Variants in SESN1 observed in about 807,000 individuals in gnomAD.
SESN1 encodes sestrin 1, also known as sestrin-1.
In SESN1, 30 loss-of-function variants were observed where a neutral mutation model predicts 59.3. The observed-to-expected ratio is 0.51, with a 90% CI of 0.38 to 0.69. The LOEUF (loss-of-function observed/expected upper bound fraction) is 0.69. SESN1 is among the 30% of genes least tolerant of loss of function. SESN1 has a pLI of 0.00. For missense variants in SESN1, 566 were observed against 673.0 expected (o/e 0.84, Z 1.76); for synonymous variants, 197 against 219.9 (o/e 0.90, Z 0.92).
intron 1 of SESN1, among the ~76,000 whole-genome samples, chr6:109,003,381 G>A (rs1333908097): frequency 6.6e-6 from 1 of 151,610 alleles, no homozygotes; most frequent in Admixed American, 6.6e-5. Context: ...ATGGGGTGGG[G>A]GTGGGTGCAC....
chr6:108,994,536 T>C lies in SESN1; in HGVS notation c.1046A>G (p.Glu349Gly). The C allele has an allele frequency of 6.2e-7, 1 of 1,613,684 alleles. No homozygotes were observed. Among genetic ancestry groups the C allele is most frequent in the South Asian group, 1.1e-5 (1 of 91,066 alleles). Reference sequence around the variant, plus strand: ...AGCCATCTCTTCCTGACTTGCCTCTTCTTCATCTCGACATTCCTGTAACTG... The same window carrying C: ...AGCCATCTCTTCCTGACTTGCCTCTCCTTCATCTCGACATTCCTGTAACTG... Reference protein sequence around the residue: ...MRQLQECRDEEEASQEEMASR... With the variant: ...MRQLQECRDEGEASQEEMASR... The change falls in exon 6 of 10, where the codon GAA (glutamate) becomes GGA (glycine). Residue 349 changes from glutamate (E) to glycine (G), a missense_variant. Coordinates refer to ENST00000436639, the MANE Select transcript of SESN1 (RefSeq NM_014454.3).
At chr6:109,089,425 T>A (rs1336288701) in intron 1 of SESN1, among the ~76,000 whole-genome samples, 1 of 152,198 alleles carries the variant, frequency 6.6e-6, no homozygotes, top group Non-Finnish European at 1.5e-5. Context: ...TTACATAGAT[T>A]TTCATTTTAG....
At position 108,988,583 on chromosome 6, in the gene SESN1, A is replaced by G. The variant is rs1387678283; in HGVS notation, c.1529T>C (p.Met510Thr). 3 of 1,613,332 alleles carry G rather than the reference A, an allele frequency of 1.9e-6. No homozygotes were observed. Among genetic ancestry groups the G allele is most frequent in the East Asian group, 2.2e-5 (1 of 44,858 alleles). Residue 510 changes from methionine to threonine, a missense_variant, in exon 9 of 10, where the codon ATG (methionine) becomes ACG (threonine). Met to Thr is a moderately conservative substitution (Grantham distance 81). Transcript: ENST00000436639. ...GAACTGCCTCCAGAAGCTATCATAC[A>G]TTCTTTTGGTAACCTTTTCAGGAGT... ...VCTPEKVTKR[M>T]YDSFWRQFKH...
chr6:109,091,370 A>G (rs549606471), intron 1 of SESN1, among the ~76,000 whole-genome samples: 85 of 152,268 alleles, frequency 5.6e-4, no homozygotes, highest in African/African-American at 1.9e-3. Flanking sequence ...CCACCTAACG[A>G]TGCATTTCTC....
chr6:109,079,929 G>C (rs530626743), intron 1 of SESN1, among the ~76,000 whole-genome samples: 2 of 152,140 alleles, frequency 1.3e-5, no homozygotes, highest in Non-Finnish European at 2.9e-5. Flanking sequence ...ACCTAGGCTT[G>C]ATTTCTAAAG....
At chr6:109,013,826 T>C (rs1779895500) in intron 1 of SESN1, among the ~76,000 whole-genome samples, 1 of 152,240 alleles carries the variant, frequency 6.6e-6, no homozygotes, top group Admixed American at 6.5e-5. Flanking sequence ...AAATGCTGGT[T>C]TATAAGACTA....
At chr6:109,078,189 C>A (rs1355164973) in intron 1 of SESN1, among the ~76,000 whole-genome samples, 1 of 151,860 alleles carries the variant, frequency 6.6e-6, no homozygotes, top group East Asian at 1.9e-4. Context: ...CGTGACCAGC[C>A]TAGGAAACAT....
In SESN1 at chr6:109,027,625, G is replaced by A. The variant is rs532344595; in HGVS notation, c.280-25282C>T. 1.3e-4 allele frequency among the ~76,000 whole-genome samples: 20 copies of A among 151,912 alleles called. No homozygotes were observed. The South Asian group carries it at 1.9e-3, about 14-fold the overall frequency. On this transcript the variant is annotated intron_variant, in intron 1 of 9. Transcript: ENST00000436639. Reference sequence around the variant, plus strand: ...CCATGGGACATTTGATAATGTCTGCGTATATTTTCAATTTTCACAACTGGT... The same window carrying A: ...CCATGGGACATTTGATAATGTCTGCATATATTTTCAATTTTCACAACTGGT...
chr6:109,065,829 T>C (rs1442569285), intron 1 of SESN1, among the ~76,000 whole-genome samples: 3 of 151,834 alleles, frequency 2.0e-5, no homozygotes, highest in Admixed American at 1.3e-4. Flanking sequence ...AATATTGAAA[T>C]TATTACTATA....
chr6:109,090,411 G>C (rs1781292181), intron 1 of SESN1, among the ~76,000 whole-genome samples: 1 of 152,074 alleles, frequency 6.6e-6, no homozygotes, highest in South Asian at 2.1e-4. Flanking sequence ...TTTAACTTGT[G>C]ACTCCCTCCA....
At chr6:109,047,647 T>C (rs1324369143) in intron 1 of SESN1, among the ~76,000 whole-genome samples, 4 of 146,248 alleles carry the variant, frequency 2.7e-5, no homozygotes, top group African/African-American at 9.9e-5. Context: ...CTTTGTGGAA[T>C]AGAAAGGGGG....
intron 1 of SESN1, among the ~76,000 whole-genome samples, chr6:109,085,614 T>C (rs886392461): frequency 6.6e-6 from 1 of 152,184 alleles, no homozygotes; most frequent in Non-Finnish European, 1.5e-5. Flanking sequence ...GCCAGCCTAA[T>C]TAAAGTACTA....
At chr6:109,090,469 T>C (rs1781293321) in intron 1 of SESN1, 1 of 152,186 alleles carries the variant, frequency 6.6e-6, no homozygotes, top group African/African-American at 2.4e-5. Context: ...TTACTGATAA[T>C]ATAAACAGTC....
intron 1 of SESN1, among the ~76,000 whole-genome samples, chr6:109,052,211 C>T (rs1446439224): frequency 3.9e-5 from 6 of 152,140 alleles, no homozygotes; most frequent in Non-Finnish European, 5.9e-5. Context: ...TAAAACAGTG[C>T]CTGGCACTTT....
chr6:109,084,375 A>T (rs966533325), intron 1 of SESN1, among the ~76,000 whole-genome samples: 4 of 152,188 alleles, frequency 2.6e-5, no homozygotes, highest in African/African-American at 9.6e-5. Context: ...AGCCTGGCCA[A>T]CATGGTGAAA....
rs1286930837 is a variant in SESN1, at chr6:109,044,839, C to T, written c.280-42496G>A. Among the ~76,000 whole-genome samples, 3 of 152,156 alleles carry T rather than the reference C, an allele frequency of 2.0e-5. No individual in the cohort carries two copies. The East Asian group carries it at 5.8e-4, about 29-fold the overall frequency. On this transcript the variant is annotated intron_variant, in intron 1 of 9. Coordinates refer to ENST00000436639, the MANE Select transcript of SESN1 (RefSeq NM_014454.3). ...AGGAGTTTGAGACCAGCCTGACCAA[C>T]ATGAAGAAACCCCATCTCTACTAAA...
intron 1 of SESN1, among the ~76,000 whole-genome samples, chr6:109,073,003 A>C (rs1304961794): frequency 6.6e-6 from 1 of 151,208 alleles, no homozygotes; most frequent in African/African-American, 2.4e-5. Context: ...ATAAAAAATA[A>C]AGTGTTTTTT....
chr6:108,987,837 C>T (rs1195330255), intron 9 of SESN1, among the ~76,000 whole-genome samples: 1 of 140,702 alleles, frequency 7.1e-6, no homozygotes, highest in Non-Finnish European at 1.5e-5. Context: ...CACACTTTCA[C>T]TCTTTCCCAG....
intron 1 of SESN1, among the ~76,000 whole-genome samples, chr6:109,025,342 A>G (rs1288548889): frequency 6.6e-6 from 1 of 152,002 alleles, no homozygotes; most frequent in Non-Finnish European, 1.5e-5. Context: ...TTTAGTATAA[A>G]GTGGGCTGGT....
Sources: allele counts gnomAD v4.1 joint callset (sites outside exome capture counted in the v4.1 genomes callset), GRCh38; gene constraint gnomAD v4.1.1; transcripts MANE v1.5; gene names NCBI Gene and HGNC (gene_info 2026-07-23, HGNC 2026-07-21).